AKAP19: variants seen among roughly 807,000 people sequenced by gnomAD.
The protein encoded by AKAP19 is A-kinase anchoring protein 19.
At chr2:190,190,315 A>T in the AKAP19 span, among the ~76,000 whole-genome samples, 1 of 152,180 alleles carries the variant, frequency 6.6e-6, no homozygotes, top group Non-Finnish European at 1.5e-5. Context: ...TATAAATATG[A>T]TCCATCTTTT....
the AKAP19 span, chr2:189,923,603 G>C: frequency 6.2e-7 from 1 of 1,614,116 alleles, no homozygotes; most frequent in Middle Eastern, 1.7e-4. Flanking sequence ...AGAGCCAAAA[G>C]TGAACCGAGG....
At chr2:189,887,858 C>T in the AKAP19 span, among the ~76,000 whole-genome samples, 5 of 151,872 alleles carry the variant, frequency 3.3e-5, no homozygotes, top group Non-Finnish European at 7.4e-5. Context: ...GGATATTAGC[C>T]CTTTCTCAGA....
chr2:190,071,513 T>A, the AKAP19 span, among the ~76,000 whole-genome samples: 1 of 152,188 alleles, frequency 6.6e-6, no homozygotes, highest in Non-Finnish European at 1.5e-5. Context: ...AGCCTACCTA[T>A]GCAGTAGATT....
At chr2:189,884,179 CAT>C in the AKAP19 span, among the ~76,000 whole-genome samples, 1 of 152,038 alleles carries the variant, frequency 6.6e-6, no homozygotes, top group Non-Finnish European at 1.5e-5. Context: ...ATGGAGCGAA[CAT>C]ATTTATGGGG....
chr2:190,186,309 A>G, the AKAP19 span, among the ~76,000 whole-genome samples: 1 of 152,180 alleles, frequency 6.6e-6, no homozygotes, highest in African/African-American at 2.4e-5. This position sits in a 1 kb window ranked among gnomAD's most constrained non-coding sequence, Gnocchi z 5.5. Context: ...AAATCATACC[A>G]TACCGCTTTA....
At chr2:189,921,296 G>T in the AKAP19 span, among the ~76,000 whole-genome samples, 2 of 152,182 alleles carry the variant, frequency 1.3e-5, no homozygotes, top group Non-Finnish European at 2.9e-5. Context: ...GGAAAATGTT[G>T]TGTCATAGAA....
chr2:190,085,922 G>T, the AKAP19 span, among the ~76,000 whole-genome samples: 8 of 152,312 alleles, frequency 5.3e-5, no homozygotes, highest in East Asian at 1.5e-3. Context: ...CTACCTAAAA[G>T]ACTGTCTTGT....
chr2:189,939,613 C>T, the AKAP19 span, among the ~76,000 whole-genome samples: 10 of 152,114 alleles, frequency 6.6e-5, no homozygotes, highest in Non-Finnish European at 1.3e-4. Context: ...GATGTGTGAA[C>T]TCTATGACTA....
the AKAP19 span, among the ~76,000 whole-genome samples, chr2:190,147,824 G>A: frequency 4.6e-5 from 7 of 151,996 alleles, no homozygotes; most frequent in Admixed American, 2.6e-4. Flanking sequence ...TGCTGTTGGC[G>A]TATAGAAGAG....
the AKAP19 span, among the ~76,000 whole-genome samples, chr2:190,053,862 A>G: frequency 2.0e-5 from 3 of 152,158 alleles, no homozygotes; most frequent in South Asian, 6.2e-4. Context: ...CTATTTAGCA[A>G]TATTAACACA....
the AKAP19 span, among the ~76,000 whole-genome samples, chr2:189,972,349 T>C: frequency 7.9e-5 from 12 of 152,340 alleles, 1 homozygote; most frequent in East Asian, 1.7e-3. Flanking sequence ...ATATCTCTGT[T>C]TTGGTACCAG....
At chr2:190,089,596 A>G in the AKAP19 span, 1 of 152,162 alleles carries the variant, frequency 6.6e-6, no homozygotes, top group Admixed American at 6.6e-5. Flanking sequence ...TAGTTCATAT[A>G]TCCAAGAGCA....
the AKAP19 span, among the ~76,000 whole-genome samples, chr2:190,194,475 T>TACAC: frequency 9.1e-4 from 115 of 126,910 alleles, no homozygotes; most frequent in Middle Eastern, 4.0e-3. Context: ...GTATCCTGTG[T>TACAC]ATACACACAC....
chr2:190,154,234 G>C, the AKAP19 span, among the ~76,000 whole-genome samples: 5 of 152,168 alleles, frequency 3.3e-5, no homozygotes, highest in African/African-American at 9.6e-5. Flanking sequence ...AAAATCATTT[G>C]TTTCATCTTC....
At chr2:190,128,968 G>A in the AKAP19 span, among the ~76,000 whole-genome samples, 1 of 152,096 alleles carries the variant, frequency 6.6e-6, no homozygotes, top group African/African-American at 2.4e-5. Context: ...TATGAACCTG[G>A]AATATTTTTT....
At chr2:190,150,752 C>A in the AKAP19 span, among the ~76,000 whole-genome samples, 1 of 142,466 alleles carries the variant, frequency 7.0e-6, no homozygotes, top group East Asian at 2.2e-4. Context: ...AGGAGATCCT[C>A]CCATGATCTC....
the AKAP19 span, among the ~76,000 whole-genome samples, chr2:190,028,766 T>C: frequency 4.5e-3 from 680 of 152,332 alleles, 2 homozygotes; most frequent in Non-Finnish European, 7.7e-3. Flanking sequence ...AAAGGTGTTA[T>C]ACCTCATTAA....
the AKAP19 span, among the ~76,000 whole-genome samples, chr2:190,166,882 CAAAAAAAGAAA>C: frequency 1.1e-3 from 152 of 144,256 alleles, no homozygotes; most frequent in Middle Eastern, 0.014. Flanking sequence ...TTATAGCCAG[CAAAAAAAGAAA>C]AAAGAAAGAA....
the AKAP19 span, among the ~76,000 whole-genome samples, chr2:189,906,442 T>C: frequency 6.6e-6 from 1 of 152,070 alleles, no homozygotes; most frequent in Non-Finnish European, 1.5e-5. Context: ...TGGGAACAGT[T>C]ATGTTCTTTC....
Sources: gnomAD v4.1 joint callset for allele counts (sites outside exome capture counted in the v4.1 genomes callset) on GRCh38, gnomAD v4.1.1 for gene constraint, Gnocchi (gnomAD v3.1) non-coding constraint, MANE v1.5 for transcripts, NCBI Gene and HGNC (gene_info 2026-07-23, HGNC 2026-07-21) for gene names.